ZBTB8OS: variants seen among roughly 807,000 people sequenced by gnomAD.
ZBTB8OS encodes tRNA splicing ligase complex subunit 1, also known as tRNA-splicing ligase-activating factor archease.
ZBTB8OS carries 16 observed loss-of-function variants against 29.3 expected under a neutral mutation model. The ratio of observed to expected loss-of-function variants is 0.55; its 90% CI spans 0.37 to 0.83. The LOEUF is 0.83. Ranked by LOEUF, ZBTB8OS falls within the 40% of genes least tolerant of loss-of-function variation. ZBTB8OS has a pLI of 0.00. For missense variants in ZBTB8OS, 160 were observed against 196.9 expected (o/e 0.81, Z 1.12); for synonymous variants, 70 against 64.6 (o/e 1.08, Z -0.40).
At chr1:32,639,085 G>C (rs1364577431) in intron 1 of ZBTB8OS, among the ~76,000 whole-genome samples, 1 of 149,116 alleles carries the variant, frequency 6.7e-6, no homozygotes, top group East Asian at 2.1e-4. Flanking sequence ...ATCACTTGAG[G>C]TCAGGAATTC....
At chr1:32,644,950 G>A (rs568566662) in intron 1 of ZBTB8OS, among the ~76,000 whole-genome samples, 1 of 152,010 alleles carries the variant, frequency 6.6e-6, no homozygotes, top group East Asian at 1.9e-4. Context: ...GGAGGCCGAG[G>A]TGGGCAGATC....
At chr1:32,650,279 G>A in intron 1 of ZBTB8OS, 154 bp downstream of exon 1, 2 of 1,019,718 alleles carry the variant, frequency 2.0e-6, no homozygotes, top group East Asian at 2.5e-5. Flanking sequence ...GCATCCCCAG[G>A]AGAAGTACGA....
intron 1 of ZBTB8OS, among the ~76,000 whole-genome samples, chr1:32,638,019 T>A (rs910031540): frequency 2.6e-5 from 4 of 151,702 alleles, no homozygotes; most frequent in African/African-American, 9.7e-5. Context: ...ATTTTTTAAG[T>A]ATAGACAGGA....
chr1:32,635,967 C>G (rs886418360), intron 1 of ZBTB8OS, among the ~76,000 whole-genome samples: 29 of 152,156 alleles, frequency 1.9e-4, no homozygotes, highest in Non-Finnish European at 1.5e-5. Flanking sequence ...CTAGCTCTAA[C>G]AGTCTGAACC....
At chr1:32,630,461 G>A (rs1645460138) in intron 5 of ZBTB8OS, among the ~76,000 whole-genome samples, 1 of 152,134 alleles carries the variant, frequency 6.6e-6, no homozygotes, top group Non-Finnish European at 1.5e-5. Flanking sequence ...GCTGAGAAAG[G>A]AGGATCACTT....
Position 32,621,678 on chromosome 1 carries a change from G to A in ZBTB8OS, c.*184C>T. ...ATTCTTTAAAGTGTGAATATTTGGG[G>A]AACACAGACCAAGGCTGTGCCCTGA... On this transcript the variant is annotated 3_prime_UTR_variant, in exon 7 of 7. Coordinates refer to ENST00000468695, the MANE Select transcript of ZBTB8OS (RefSeq NM_178547.5). The A allele has an allele frequency of 1.8e-6, 1 of 566,048 alleles. No homozygotes were observed. The highest frequency in any genetic ancestry group is 2.2e-5 in the South Asian group (1 of 45,546). 35.1% of individuals were successfully genotyped at this position (566,048 alleles called of 1,614,324 possible).
intron 1 of ZBTB8OS, among the ~76,000 whole-genome samples, chr1:32,641,275 T>G (rs1467429169): frequency 6.9e-6 from 1 of 145,598 alleles, no homozygotes; most frequent in Non-Finnish European, 1.5e-5. Flanking sequence ...GTTTTTTTTT[T>G]TTTTTTTTTT....
Position 32,643,453 on chromosome 1 carries a change from C to T in ZBTB8OS, c.97+6980G>A, listed in dbSNP as rs1402734591. Among the ~76,000 whole-genome samples the T allele has an allele frequency of 2.0e-5, 3 of 151,792 alleles. No individual in the cohort carries two copies. In the South Asian group the frequency reaches 6.2e-4, roughly 32 times the overall value. On this transcript the variant is annotated intron_variant, in intron 1 of 6. Transcript: ENST00000468695. ...TGTCTACCAAGGTGGAGTACAGTGG[C>T]ACAATCATGGCTCACAGCAGCCTTG...
At chr1:32,645,322 A>C (rs1189942920) in intron 1 of ZBTB8OS, among the ~76,000 whole-genome samples, 1 of 152,108 alleles carries the variant, frequency 6.6e-6, no homozygotes, top group African/African-American at 2.4e-5. Flanking sequence ...ACACGACAAG[A>C]CCCCATCTCT....
At chr1:32,648,530 A>C (rs1230577209) in intron 1 of ZBTB8OS, among the ~76,000 whole-genome samples, 3 of 152,244 alleles carry the variant, frequency 2.0e-5, no homozygotes, top group Non-Finnish European at 4.4e-5. Context: ...AGGTATGTAC[A>C]TGTAAGAAAA....
At chr1:32,650,577 C>A (rs748914743), upstream of ZBTB8OS, 105 of 1,613,874 alleles carry the variant, frequency 6.5e-5, 3 homozygotes, top group South Asian at 9.1e-4. Flanking sequence ...CACCGGACTT[C>A]GGCCCGGAGT....
chr1:32,643,714 CT>C (rs1455454312), intron 1 of ZBTB8OS, among the ~76,000 whole-genome samples: 2 of 152,090 alleles, frequency 1.3e-5, no homozygotes, highest in Non-Finnish European at 2.9e-5. Context: ...CCAGGCTGGT[CT>C]TGAACTCCTG....
intron 2 of ZBTB8OS, chr1:32,634,510 GCCA>G (rs1331992797): frequency 1.3e-5 from 7 of 536,740 alleles, no homozygotes; most frequent in African/African-American, 7.6e-5. Flanking sequence ...CAGGCGTTGA[GCCA>G]CCACACCCGG....
intron 1 of ZBTB8OS, among the ~76,000 whole-genome samples, chr1:32,647,126 G>A (rs962991331): frequency 8.0e-5 from 12 of 149,696 alleles, no homozygotes; most frequent in East Asian, 1.9e-4. Context: ...AGGCCGAGGC[G>A]GGCGGATCAC....
intron 5 of ZBTB8OS, among the ~76,000 whole-genome samples, chr1:32,628,703 G>A (rs1645310229): frequency 6.6e-6 from 1 of 150,978 alleles, no homozygotes; most frequent in Admixed American, 6.6e-5. Flanking sequence ...CCAGCACTTT[G>A]GGAGGCAGAG....
At chr1:32,636,855 T>G (rs1343507170) in intron 1 of ZBTB8OS, among the ~76,000 whole-genome samples, 1 of 151,972 alleles carries the variant, frequency 6.6e-6, no homozygotes, top group South Asian at 2.1e-4. Flanking sequence ...TTTCCTTTCT[T>G]AGAGCAGGTA....
chr1:32,643,976 C>T (rs575906985), intron 1 of ZBTB8OS, among the ~76,000 whole-genome samples: 16 of 151,888 alleles, frequency 1.1e-4, no homozygotes, highest in African/African-American at 2.7e-4. Flanking sequence ...TATTAGCCGG[C>T]GACCTAGAGA....
intron 6 of ZBTB8OS, among the ~76,000 whole-genome samples, chr1:32,625,660 C>G (rs796546719): frequency 5.9e-5 from 9 of 152,256 alleles, no homozygotes; most frequent in African/African-American, 1.9e-4. Context: ...TTGCTTGAGA[C>G]TAGGAGTTTC....
intron 4 of ZBTB8OS, among the ~76,000 whole-genome samples, chr1:32,632,776 G>A (rs550669512): frequency 2.0e-5 from 3 of 152,266 alleles, no homozygotes; most frequent in South Asian, 4.1e-4. Flanking sequence ...TGGGCACACA[G>A]GGGCAGTACC....
Sources: allele counts gnomAD v4.1 joint callset (sites outside exome capture counted in the v4.1 genomes callset), GRCh38; gene constraint gnomAD v4.1.1; transcripts MANE v1.5; gene names NCBI Gene and HGNC (gene_info 2026-07-23, HGNC 2026-07-21).